DSCAM: variants seen among roughly 807,000 people sequenced by gnomAD.
DSCAM encodes DS cell adhesion molecule.
A neutral mutation model predicts 217.7 loss-of-function variants in DSCAM; 47 were observed. That is an observed-to-expected ratio of 0.22 (90% CI 0.17 to 0.28). The LOEUF (loss-of-function observed/expected upper bound fraction) is 0.28. Ranked by LOEUF, DSCAM falls within the 10% of genes least tolerant of loss-of-function variation. The pLI, the probability that DSCAM is intolerant of heterozygous loss-of-function variation, is 1.00. For synonymous variants in DSCAM, 1,056 were observed against 1,015.3 expected (o/e 1.04, Z -0.76); for missense variants, 2,080 against 2,618.3 (o/e 0.79, Z 4.49).
intron 1 of DSCAM, among the ~76,000 whole-genome samples, chr21:40,824,640 C>A (rs555845080): frequency 6.6e-6 from 1 of 152,110 alleles, no homozygotes; most frequent in South Asian, 2.1e-4. Context: ...GTTTCAAACT[C>A]CTGGGCTCAA....
At chr21:40,283,722 C>T (rs1037598653) in intron 10 of DSCAM, among the ~76,000 whole-genome samples, 34 of 152,226 alleles carry the variant, frequency 2.2e-4, no homozygotes, top group African/African-American at 8.2e-4. Context: ...TTAATTTCAT[C>T]ATATATGAAT....
intron 11 of DSCAM, among the ~76,000 whole-genome samples, chr21:40,264,719 G>C (rs907596245): frequency 6.6e-6 from 1 of 152,140 alleles, no homozygotes; most frequent in East Asian, 1.9e-4. Context: ...TCAGGAAAGA[G>C]AAAGAAATCA....
At chr21:40,622,297 G>A (rs1000321236) in intron 3 of DSCAM, among the ~76,000 whole-genome samples, 2 of 151,790 alleles carry the variant, frequency 1.3e-5, no homozygotes, top group African/African-American at 2.4e-5. Flanking sequence ...AAAAAAAGGT[G>A]TGCTTCAATG....
At chr21:40,050,522 G>A (rs11088505) in intron 30 of DSCAM, among the ~76,000 whole-genome samples, 46,562 of 150,802 alleles carry the variant, frequency 0.31, 7,491 homozygotes, top group African/African-American at 0.37. Context: ...TCGCTCTGTC[G>A]TCCAGGCTGG....
In DSCAM at chr21:40,415,008, T is replaced by C. The variant is rs114552582; in HGVS notation, c.509-45763A>G. 6.2e-3 allele frequency among the ~76,000 whole-genome samples: 944 copies of C among 152,218 alleles called. 8 individuals are homozygous for C. The highest frequency in any genetic ancestry group is 0.022 in the African/African-American group (898 of 41,544). ...TTTATAATATATGCCTACAACATTT[T>C]CCAGGATCAAAGCTACAGAAAGAAG... On this transcript the variant is annotated intron_variant, in intron 3 of 32. Transcript: ENST00000400454.
intron 2 of DSCAM, among the ~76,000 whole-genome samples, chr21:40,698,343 C>A (rs557904590): frequency 6.6e-6 from 1 of 152,170 alleles, no homozygotes; most frequent in South Asian, 2.1e-4. Flanking sequence ...GGGGTCAGCC[C>A]ATAAAAGGGA....
chr21:40,404,170 T>C (rs1005459167), intron 3 of DSCAM, among the ~76,000 whole-genome samples: 15 of 152,196 alleles, frequency 9.9e-5, no homozygotes, highest in African/African-American at 3.6e-4. Flanking sequence ...CATTTAACAA[T>C]TGCCTCAATA....
intron 7 of DSCAM, 149 bp downstream of exon 7, chr21:40,338,970 A>G (rs1282413321): frequency 3.9e-6 from 4 of 1,012,866 alleles, no homozygotes; most frequent in Non-Finnish European, 5.7e-6. Flanking sequence ...AGTCAGTGCC[A>G]TTCCTGAGTA....
At chr21:40,495,249 T>C (rs144731406) in intron 3 of DSCAM, among the ~76,000 whole-genome samples, 115 of 152,288 alleles carry the variant, frequency 7.6e-4, no homozygotes, top group African/African-American at 2.6e-3. Context: ...ATTACCCTGA[T>C]ACCAAAGCCA....
At chr21:40,730,472 G>A (rs901565033) in intron 1 of DSCAM, among the ~76,000 whole-genome samples, 1 of 152,208 alleles carries the variant, frequency 6.6e-6, no homozygotes, top group Non-Finnish European at 1.5e-5. Context: ...CCAAGAGAGA[G>A]TGTGAAGACC....
intron 3 of DSCAM, among the ~76,000 whole-genome samples, chr21:40,386,208 C>T (rs983741755): frequency 6.6e-6 from 1 of 152,110 alleles, no homozygotes; most frequent in Non-Finnish European, 1.5e-5. Flanking sequence ...CACTTGAAAA[C>T]AAAAAGTATA....
chr21:40,157,919 C>T (rs947965696), intron 16 of DSCAM, among the ~76,000 whole-genome samples: 19 of 152,020 alleles, frequency 1.2e-4, no homozygotes, highest in African/African-American at 4.4e-4. Flanking sequence ...GTCTTAAACC[C>T]GTGGGCTCAA....
At chr21:40,194,973 C>G (rs1318123899) in intron 11 of DSCAM, among the ~76,000 whole-genome samples, 2 of 152,080 alleles carry the variant, frequency 1.3e-5, no homozygotes, top group East Asian at 3.8e-4. Flanking sequence ...GAGTGTTTCA[C>G]TATATTAATA....
chr21:40,264,372 A>G (rs2073494678), intron 11 of DSCAM, among the ~76,000 whole-genome samples: 1 of 152,226 alleles, frequency 6.6e-6, no homozygotes, highest in South Asian at 2.1e-4. Flanking sequence ...ATTCACCATG[A>G]TAATTCTAAA....
intron 1 of DSCAM, among the ~76,000 whole-genome samples, chr21:40,771,945 T>G (rs1027147161): frequency 5.3e-5 from 8 of 152,244 alleles, no homozygotes; most frequent in African/African-American, 1.9e-4. Flanking sequence ...GTAATCTTTA[T>G]GCGAATTTTA....
In DSCAM at chr21:40,343,381, A is replaced by T. The variant is rs1254712139; in HGVS notation, c.1211-3966T>A. On this transcript the variant is annotated intron_variant, in intron 6 of 32. Coordinates refer to ENST00000400454, the MANE Select transcript of DSCAM (RefSeq NM_001389.5). ...TTGGTCTCAATCTTAAATGAAAAACATTTAGTGTTTAACCAGGAAGTATGA... is the reference window on the plus strand; with the variant it reads ...TTGGTCTCAATCTTAAATGAAAAACTTTTAGTGTTTAACCAGGAAGTATGA... Among the ~76,000 whole-genome samples, 7 of 152,214 alleles carry T rather than the reference A, an allele frequency of 4.6e-5. No homozygotes were observed. In the East Asian group the frequency reaches 1.3e-3, roughly 29 times the overall value.
At chr21:40,040,609 C>A (rs2088729267) in intron 32 of DSCAM, among the ~76,000 whole-genome samples, 1 of 152,176 alleles carries the variant, frequency 6.6e-6, no homozygotes, top group African/African-American at 2.4e-5. Context: ...AGGAGGTCAG[C>A]AGTACAGCTG....
At chr21:40,519,427 G>C (rs1443746155) in intron 3 of DSCAM, among the ~76,000 whole-genome samples, 3 of 152,234 alleles carry the variant, frequency 2.0e-5, no homozygotes, top group Admixed American at 2.0e-4. Context: ...ATTAGGAGGT[G>C]GGGATTTGAG....
chr21:40,128,699 C>CAAA (rs527919207), intron 19 of DSCAM, among the ~76,000 whole-genome samples: 1 of 89,050 alleles, frequency 1.1e-5, no homozygotes, highest in Non-Finnish European at 2.5e-5. Flanking sequence ...CATAACCAAA[C>CAAA]AAAAAAAAAA....
Sources: allele counts gnomAD v4.1 joint callset (sites outside exome capture counted in the v4.1 genomes callset), GRCh38; gene constraint gnomAD v4.1.1; transcripts MANE v1.5; gene names NCBI Gene and HGNC (gene_info 2026-07-23, HGNC 2026-07-21).